OXR1: variants seen among roughly 807,000 people sequenced by gnomAD.
OXR1 encodes the protein oxidation resistance protein 1.
In OXR1, 41 loss-of-function variants were observed where a neutral mutation model predicts 104.6. That is an observed-to-expected ratio of 0.39 (90% CI 0.31 to 0.51). OXR1 has a LOEUF of 0.51. Ranked by LOEUF, OXR1 falls within the 20% of genes least tolerant of loss-of-function variation. OXR1 has a pLI of 0.77. For synonymous variants in OXR1, 348 were observed against 348.4 expected (o/e 1.00, Z 0.01); for missense variants, 955 against 1,031.9 (o/e 0.93, Z 1.02).
rs1834997839 is a variant in OXR1, at chr8:106,742,424, C to T, written c.2412+107C>T. On this transcript the variant is annotated intron_variant, in intron 15 of 16. Transcript: ENST00000517566. ...TTCCCATTAAACTACCACTGATATT[C>T]TTCACAGAATTAGGAAAAACTATTT... is the stretch of plus-strand genomic sequence containing the variant. 5 of 638,112 alleles carry T rather than the reference C, an allele frequency of 7.8e-6. No individual in the cohort carries two copies. In the South Asian group the frequency reaches 1.1e-4, roughly 14 times the overall value. 39.5% of individuals were successfully genotyped at this position (638,112 alleles called of 1,614,324 possible).
intron 3 of OXR1, among the ~76,000 whole-genome samples, chr8:106,650,412 T>C (rs1824466116): frequency 2.6e-5 from 4 of 152,210 alleles, no homozygotes; most frequent in Admixed American, 2.6e-4. Context: ...ATGACCTAAC[T>C]TGATATGCCT....
At chr8:106,338,523 A>G (rs1586540884) in intron 1 of OXR1, among the ~76,000 whole-genome samples, 1 of 150,176 alleles carries the variant, frequency 6.7e-6, no homozygotes, top group Non-Finnish European at 1.5e-5. Flanking sequence ...AGATCACACC[A>G]CTGCACTCTA....
chr8:106,667,334 CTCAA>C (rs1162089312), intron 3 of OXR1, among the ~76,000 whole-genome samples: 1 of 152,182 alleles, frequency 6.6e-6, no homozygotes, highest in East Asian at 1.9e-4. Flanking sequence ...TGATATTTCT[CTCAA>C]TCAAACTCTT....
chr8:106,299,460 G>T (rs1280490351), intron 1 of OXR1, among the ~76,000 whole-genome samples: 1 of 152,106 alleles, frequency 6.6e-6, no homozygotes, highest in Non-Finnish European at 1.5e-5. Context: ...GTTGGAGAGA[G>T]TATTGGTGGG....
At chr8:106,414,085 G>C (rs929469044) in intron 2 of OXR1, among the ~76,000 whole-genome samples, 1 of 152,052 alleles carries the variant, frequency 6.6e-6, no homozygotes, top group Non-Finnish European at 1.5e-5. Flanking sequence ...CTGTGCAGTA[G>C]TTTTCTTTCT....
chr8:106,636,811 TG>T (rs1823179899), intron 3 of OXR1, among the ~76,000 whole-genome samples: 2 of 152,218 alleles, frequency 1.3e-5, no homozygotes, highest in African/African-American at 4.8e-5. Context: ...ACTCAGACAG[TG>T]CTACTTACAT....
intron 2 of OXR1, among the ~76,000 whole-genome samples, chr8:106,374,788 T>A (rs1816844837): frequency 6.6e-6 from 1 of 152,182 alleles, no homozygotes; most frequent in Admixed American, 6.5e-5. Flanking sequence ...CAGGCCTCCC[T>A]ATTTCAGCTA....
chr8:106,645,357 C>T (rs1823988649), intron 3 of OXR1, among the ~76,000 whole-genome samples: 2 of 152,056 alleles, frequency 1.3e-5, no homozygotes, highest in Admixed American at 1.3e-4. Context: ...AGCTTGGCAC[C>T]CATATGAGTC....
At chr8:106,685,677 C>A (rs1449903779) in intron 6 of OXR1, among the ~76,000 whole-genome samples, 4 of 149,360 alleles carry the variant, frequency 2.7e-5, no homozygotes, top group Admixed American at 2.0e-4. Flanking sequence ...TGAGTAAATT[C>A]TTTGTCCCTG....
At position 106,367,711 on chromosome 8, in the gene OXR1, T is replaced by C. The variant is rs147508813; in HGVS notation, c.23+8075T>C. 5.5e-3 allele frequency among the ~76,000 whole-genome samples: 837 copies of C among 152,274 alleles called. 6 individuals are homozygous for C. The highest frequency in any genetic ancestry group is 0.019 in the African/African-American group (779 of 41,546). ...ATAAAAAATATGTCAGCATGACAGA[T>C]AGTGATATGTATTTTGAAGAATAAG... On this transcript the variant is annotated intron_variant, in intron 2 of 16. Coordinates refer to ENST00000517566, the MANE Select transcript of OXR1 (RefSeq NM_001198533.2).
intron 2 of OXR1, among the ~76,000 whole-genome samples, chr8:106,511,139 T>C (rs1454446413): frequency 6.6e-6 from 1 of 152,214 alleles, no homozygotes; most frequent in Non-Finnish European, 1.5e-5. Context: ...TCTTCTGTGG[T>C]TGAGTTTCTG....
chr8:106,559,400 T>C (rs1038289848), intron 3 of OXR1, among the ~76,000 whole-genome samples: 4 of 152,206 alleles, frequency 2.6e-5, no homozygotes, highest in Admixed American at 6.5e-5. Context: ...CTTACAACTA[T>C]TTTCCTGGTA....
chr8:106,401,947 T>C (rs1818020537), intron 2 of OXR1, among the ~76,000 whole-genome samples: 1 of 152,186 alleles, frequency 6.6e-6, no homozygotes, highest in South Asian at 2.1e-4. Context: ...AGAGTTGATA[T>C]ATCTCTGAAA....
At chr8:106,562,270 AG>A (rs780058047) in intron 3 of OXR1, among the ~76,000 whole-genome samples, 1 of 152,150 alleles carries the variant, frequency 6.6e-6, no homozygotes, top group Admixed American at 6.5e-5. Flanking sequence ...CGTTTAGAGA[AG>A]AATATAAATG....
intron 3 of OXR1, among the ~76,000 whole-genome samples, chr8:106,560,299 A>G (rs1816584296): frequency 6.6e-6 from 1 of 152,206 alleles, no homozygotes; most frequent in Non-Finnish European, 1.5e-5. Context: ...GGCAAGTTCA[A>G]GATATCCACT....
chr8:106,534,227 A>G (rs1229802796), intron 3 of OXR1, among the ~76,000 whole-genome samples: 1 of 152,180 alleles, frequency 6.6e-6, no homozygotes, highest in Non-Finnish European at 1.5e-5. Context: ...CTGGGTAGCA[A>G]GACTAATTTA....
chr8:106,589,181 G>A (rs1176576296), intron 3 of OXR1, among the ~76,000 whole-genome samples: 1 of 152,162 alleles, frequency 6.6e-6, no homozygotes, highest in Non-Finnish European at 1.5e-5. Context: ...CTACTGGGTG[G>A]TGAGCTGGCA....
intron 3 of OXR1, among the ~76,000 whole-genome samples, chr8:106,557,741 T>G (rs1272662051): frequency 1.3e-5 from 2 of 152,170 alleles, no homozygotes; most frequent in Non-Finnish European, 2.9e-5. Context: ...AACAAGCCCT[T>G]ACAGTTGTAC....
At chr8:106,563,297 A>C (rs1216946060) in intron 3 of OXR1, among the ~76,000 whole-genome samples, 2 of 14,728 alleles carry the variant, frequency 1.4e-4, no homozygotes, top group African/African-American at 7.2e-4. Context: ...AATGGAAAGC[A>C]AAAAAAAAAA....
Sources: gnomAD v4.1 joint callset for allele counts (sites outside exome capture counted in the v4.1 genomes callset) on GRCh38, gnomAD v4.1.1 for gene constraint, MANE v1.5 for transcripts, NCBI Gene and HGNC (gene_info 2026-07-23, HGNC 2026-07-21) for gene names.